Variants in SLC8A3 observed in about 807,000 individuals in gnomAD.
SLC8A3 encodes the protein sodium/calcium exchanger 3.
A neutral mutation model predicts 65.4 loss-of-function variants in SLC8A3; 37 were observed. The observed-to-expected ratio is 0.57, with a 90% CI of 0.44 to 0.74. The LOEUF is 0.74. Ranked by LOEUF, SLC8A3 falls within the 30% of genes least tolerant of loss-of-function variation. SLC8A3 has a pLI of 0.00. For synonymous variants in SLC8A3, 461 were observed against 444.5 expected (o/e 1.04, Z -0.47); for missense variants, 1,112 against 1,172.1 (o/e 0.95, Z 0.75).
intron 2 of SLC8A3, among the ~76,000 whole-genome samples, chr14:70,157,422 A>G (rs1282990515): frequency 6.6e-6 from 1 of 152,208 alleles, no homozygotes; most frequent in Non-Finnish European, 1.5e-5. Flanking sequence ...ACACAGGGCA[A>G]CCAGCTCATA....
upstream of SLC8A3, chr14:70,188,975 G>C (rs895503308): frequency 6.6e-6 from 1 of 152,196 alleles, no homozygotes; most frequent in African/African-American, 2.4e-5. Flanking sequence ...CGAGCGGAGA[G>C]CTTTGCCCAT....
At chr14:70,110,874 G>A (rs767783124) in intron 2 of SLC8A3, among the ~76,000 whole-genome samples, 3 of 151,744 alleles carry the variant, frequency 2.0e-5, no homozygotes, top group Non-Finnish European at 2.9e-5. Flanking sequence ...TAGAGACGGG[G>A]TTTTACCGTG....
In SLC8A3 at chr14:70,187,636, TGTG is replaced by T. The variant is rs1566843534; in HGVS notation, c.-63+740_-63+742del. On this transcript the variant is annotated intron_variant, in intron 1 of 6. Coordinates refer to ENST00000356921, the MANE Select transcript of SLC8A3 (RefSeq NM_182932.3). The stretch of plus-strand genomic sequence containing the variant: ...GTGTGTGTGTGTGTGTGTGTGTGTG[TGTG>T]TCCGCGCGCGCGTGTGTGTTGGGGG... Among the ~76,000 whole-genome samples the T allele has an allele frequency of 5.7e-3, 811 of 142,236 alleles. 12 individuals are homozygous for T. The highest frequency in any genetic ancestry group is 0.019 in the African/African-American group (649 of 34,516). The allele number at this position is 142,236 out of a possible 152,430, so 93.3% of individuals were successfully genotyped here.
In SLC8A3 at chr14:70,167,507, CTTCCAGGGG is replaced by C; in HGVS notation, c.907_915del (p.Pro303_Glu305del). 6.2e-7 allele frequency: 1 copy of C among 1,614,066 alleles called. No homozygotes were observed. The highest frequency in any genetic ancestry group is 1.1e-5 in the South Asian group (1 of 91,070). Reference sequence around the variant, plus strand: ...CTGCGGGACTCATCCACTTCCTTCCCTTCCAGGGGCACCAGGTTCCCATCTAGAAAATGG... The same window carrying C: ...CTGCGGGACTCATCCACTTCCTTCCCCACCAGGTTCCCATCTAGAAAATGG... On this transcript the variant is annotated inframe_deletion, in exon 2 of 7. Transcript: ENST00000356921.
chr14:70,119,859 T>C (rs979962926), intron 2 of SLC8A3, among the ~76,000 whole-genome samples: 1 of 152,244 alleles, frequency 6.6e-6, no homozygotes, highest in Admixed American at 6.5e-5. Flanking sequence ...GTTACATGTG[T>C]TGGAGACCAA....
intron 2 of SLC8A3, among the ~76,000 whole-genome samples, chr14:70,101,787 G>A (rs1029802903): frequency 1.3e-5 from 2 of 152,190 alleles, no homozygotes; most frequent in Non-Finnish European, 2.9e-5. Context: ...AGGGAAATGC[G>A]TGAAGCAATT....
chr14:70,179,591 G>A (rs1882550260), intron 1 of SLC8A3, among the ~76,000 whole-genome samples: 1 of 152,294 alleles, frequency 6.6e-6, no homozygotes, highest in Non-Finnish European at 1.5e-5. Context: ...AGAGAGTTTT[G>A]TTCATTCTCA....
chr14:70,150,793 G>A (rs1896219725), intron 2 of SLC8A3, among the ~76,000 whole-genome samples: 1 of 152,194 alleles, frequency 6.6e-6, no homozygotes, highest in South Asian at 2.1e-4. Context: ...AGGGGATTTG[G>A]AGAATAGGCC....
chr14:70,104,766 G>T (rs1892745152), intron 2 of SLC8A3, among the ~76,000 whole-genome samples: 1 of 151,992 alleles, frequency 6.6e-6, no homozygotes. Context: ...ACAATGAAAA[G>T]ACAATATCAA....
chr14:70,097,902 G>C (rs1375013628), intron 2 of SLC8A3, among the ~76,000 whole-genome samples: 1 of 152,086 alleles, frequency 6.6e-6, no homozygotes, highest in Non-Finnish European at 1.5e-5. Context: ...CAATTACATG[G>C]TAGGTGTGCT....
At chr14:70,049,163 T>TG in intron 5 of SLC8A3, 121 bp from the exon 6 acceptor site, 1 of 1,008,118 alleles carries the variant, frequency 9.9e-7, no homozygotes, top group Non-Finnish European at 1.4e-6. Context: ...AGCTGTCTTC[T>TG]GGGCAGCTGG....
intron 2 of SLC8A3, among the ~76,000 whole-genome samples, chr14:70,089,696 A>T (rs1252967798): frequency 6.6e-6 from 1 of 152,094 alleles, no homozygotes; most frequent in Non-Finnish European, 1.5e-5. Context: ...GATGTGTTTA[A>T]TACATATTGT....
At position 70,168,125 on chromosome 14, in the gene SLC8A3, C is replaced by T. The variant is rs750054911; in HGVS notation, c.298G>A (p.Ala100Thr). The stretch of plus-strand genomic sequence containing the variant: ...TGAGAGGTGATGACTTCAATAGATG[C>T]CATGAAGCGGTCAGCAATGATGGAC... ...GVSIIADRFMASIEVITSQER... is the reference protein window; with the variant it reads ...GVSIIADRFMTSIEVITSQER... The change falls in exon 2 of 7, where the codon GCA becomes ACA. Residue 100 changes from alanine to threonine, a missense_variant. Coordinates refer to ENST00000356921, the MANE Select transcript of SLC8A3 (RefSeq NM_182932.3). 68 of 1,613,972 alleles carry T rather than the reference C, an allele frequency of 4.2e-5. 1 individual carries two copies. Among genetic ancestry groups the T allele is most frequent in the Non-Finnish European group, 5.6e-5 (66 of 1,180,022 alleles).
intron 2 of SLC8A3, among the ~76,000 whole-genome samples, chr14:70,114,566 G>C (rs1005863694): frequency 6.6e-6 from 1 of 152,168 alleles, no homozygotes; most frequent in Non-Finnish European, 1.5e-5. Flanking sequence ...GTTGGAGGTT[G>C]GTTTCAAAAG....
intron 2 of SLC8A3, among the ~76,000 whole-genome samples, chr14:70,125,511 T>C (rs1894382333): frequency 6.6e-6 from 1 of 152,194 alleles, no homozygotes; most frequent in Admixed American, 6.5e-5. Flanking sequence ...GACTTTGTTC[T>C]TTTTTACGAA....
At chr14:70,113,564 T>A (rs1893453855) in intron 2 of SLC8A3, among the ~76,000 whole-genome samples, 1 of 152,222 alleles carries the variant, frequency 6.6e-6, no homozygotes, top group South Asian at 2.1e-4. Flanking sequence ...TCCTTTTATC[T>A]TCTTTTATTT....
intron 2 of SLC8A3, among the ~76,000 whole-genome samples, chr14:70,071,363 G>A (rs149595): frequency 6.6e-6 from 1 of 152,020 alleles, no homozygotes; most frequent in Non-Finnish European, 1.5e-5. Context: ...TCGCATGAAC[G>A]CTTAAAAGCA....
At chr14:70,086,361 T>A (rs935184721) in intron 2 of SLC8A3, among the ~76,000 whole-genome samples, 62 of 151,936 alleles carry the variant, frequency 4.1e-4, no homozygotes, top group African/African-American at 1.3e-3. Flanking sequence ...ACAATTTTTT[T>A]AATTTAATTT....
At chr14:70,071,989 C>T (rs1337846379) in intron 2 of SLC8A3, among the ~76,000 whole-genome samples, 2 of 152,178 alleles carry the variant, frequency 1.3e-5, no homozygotes, top group Admixed American at 6.5e-5. Context: ...GCAGCTTCTA[C>T]ATACCTGTGA....
Sources: gnomAD v4.1 joint callset for allele counts (sites outside exome capture counted in the v4.1 genomes callset) on GRCh38, gnomAD v4.1.1 for gene constraint, MANE v1.5 for transcripts, NCBI Gene and HGNC (gene_info 2026-07-23, HGNC 2026-07-21) for gene names.